The following CPM variants were observed in gnomAD, a reference collection of about 807,000 sequenced individuals.
CPM encodes renal carboxypeptidase.
A neutral mutation model predicts 46.4 loss-of-function variants in CPM; 35 were observed. That is an observed-to-expected ratio of 0.75 (90% CI 0.58 to 1.00). CPM has a LOEUF of 1.00. Ranked by LOEUF, CPM falls within the 50% of genes least tolerant of loss-of-function variation. CPM has a pLI of 0.00. For synonymous variants in CPM, 195 were observed against 195.3 expected (o/e 1.00, Z 0.01); for missense variants, 422 against 530.4 (o/e 0.80, Z 2.01).
intron 2 of CPM, among the ~76,000 whole-genome samples, chr12:68,923,160 A>AGTGTGTGTGT (rs869087872): frequency 2.2e-5 from 1 of 45,670 alleles, no homozygotes; most frequent in East Asian, 5.2e-4. Flanking sequence ...TTTGATATAG[A>AGTGTGTGTGT]GTGTGTGTGT....
At chr12:68,869,228 C>T in intron 6 of CPM, 97 bp downstream of exon 6, 1 of 1,100,012 alleles carries the variant, frequency 9.1e-7, no homozygotes, top group Middle Eastern at 2.0e-4. Context: ...GCCTATTGTG[C>T]CTAAAGTTCT....
rs1884013698 is a variant in CPM at position 68,843,725 on chromosome 12, C to T, written c.534-1396G>A. On this transcript the variant is annotated intron_variant, in intron 5 of 5. Coordinates refer to the CPM transcript ENST00000551897. Reference sequence around the variant, plus strand: ...TCTCTCTCTCTCTCTCTGTCTGTCTCAATAAATGGCCAAAGGGATTAGTAG... The same window carrying T: ...TCTCTCTCTCTCTCTCTGTCTGTCTTAATAAATGGCCAAAGGGATTAGTAG... 1.3e-5 allele frequency: 3 copies of T among 223,698 alleles called. No homozygotes were observed. In the East Asian group the frequency reaches 1.9e-4, roughly 14 times the overall value. The allele number at this position is 223,698 out of a possible 1,614,324, so 13.9% of individuals were successfully genotyped here.
In CPM at chr12:68,854,539, AGCCAAGGCTTCCTAGTGG is replaced by A. The variant is rs1181456954; in HGVS notation, c.*1880_*1897del. 1.3e-5 allele frequency: 2 copies of A among 152,248 alleles called. No homozygotes were observed. Among genetic ancestry groups the A allele is most frequent in the Non-Finnish European group, 2.9e-5 (2 of 68,052 alleles). The allele number at this position is 152,248 out of a possible 1,614,324, so 9.4% of individuals were successfully genotyped here. On this transcript the variant is annotated 3_prime_UTR_variant, in exon 9 of 9. Coordinates refer to ENST00000551568, the MANE Select transcript of CPM (RefSeq NM_198320.5). The stretch of plus-strand genomic sequence containing the variant: ...AATGGAATTGAATGGGATTATGGTC[AGCCAAGGCTTCCTAGTGG>A]AGCTGCTACCTGAACTGAGTTTTAA...
chr12:68,913,386 T>C (rs1316083389), intron 2 of CPM, among the ~76,000 whole-genome samples: 2 of 152,112 alleles, frequency 1.3e-5, no homozygotes, highest in Non-Finnish European at 2.9e-5. Flanking sequence ...GCCCAGAGCA[T>C]AGTAAGGATG....
At chr12:68,873,990 G>C (rs997127512) in intron 3 of CPM, among the ~76,000 whole-genome samples, 11 of 151,994 alleles carry the variant, frequency 7.2e-5, no homozygotes, top group Non-Finnish European at 8.8e-5. Context: ...ATTTTTAGTA[G>C]AGACAGGGTT....
intron 1 of CPM, among the ~76,000 whole-genome samples, chr12:68,938,481 A>T (rs762562343): frequency 3.3e-5 from 5 of 152,082 alleles, no homozygotes; most frequent in Non-Finnish European, 5.9e-5. Flanking sequence ...AATGTGGCAC[A>T]TTTGTTTCTG....
intron 1 of CPM, among the ~76,000 whole-genome samples, chr12:68,945,846 C>CTTTTTTTTTTTTTTTTT (rs1170064808): frequency 2.9e-4 from 26 of 88,460 alleles, no homozygotes; most frequent in East Asian, 3.6e-4. Context: ...TTCTTTCTTT[C>CTTTTTTTTTTTTTTTTT]TTTTTTTTTT....
intron 7 of CPM, among the ~76,000 whole-genome samples, chr12:68,859,443 A>C (rs561289790): frequency 3.3e-4 from 50 of 152,328 alleles, no homozygotes; most frequent in African/African-American, 1.2e-3. Flanking sequence ...AAACGGTGTC[A>C]ATGTATTAGT....
intron 2 of CPM, among the ~76,000 whole-genome samples, chr12:68,927,441 T>C (rs182857752): frequency 6.6e-6 from 1 of 152,124 alleles, no homozygotes; most frequent in Non-Finnish European, 1.5e-5. Context: ...TTTGTTTGAG[T>C]TCATTGTAGA....
rs142631506 is a variant in CPM at position 68,859,539 on chromosome 12, G to C, written c.941-468C>G. ...TGGGAAGCAAAATTATAATCACAAG[G>C]CTTCTTGGAAGCATGGAATCGATTG... On this transcript the variant is annotated intron_variant, in intron 7 of 8. Transcript: ENST00000551568. 5.9e-4 allele frequency among the ~76,000 whole-genome samples: 90 copies of C among 152,284 alleles called. 2 individuals carry two copies. The highest frequency in any genetic ancestry group is 4.4e-4 in the Non-Finnish European group (30 of 68,018).
At chr12:68,951,980 G>A (rs1029748986) in intron 1 of CPM, among the ~76,000 whole-genome samples, 5 of 152,174 alleles carry the variant, frequency 3.3e-5, no homozygotes, top group Non-Finnish European at 4.4e-5. Flanking sequence ...GCTGCAATCC[G>A]TGTGTGGGTT....
At chr12:68,956,642 A>C (rs1017153836) in intron 1 of CPM, among the ~76,000 whole-genome samples, 1 of 152,098 alleles carries the variant, frequency 6.6e-6, no homozygotes, top group Non-Finnish European at 1.5e-5. Context: ...CCATTTGCCC[A>C]GTAAAAAACA....
chr12:68,875,244 G>A (rs1019410038), intron 3 of CPM, among the ~76,000 whole-genome samples: 4 of 151,840 alleles, frequency 2.6e-5, no homozygotes, highest in Admixed American at 1.3e-4. Context: ...CCAGCTACTC[G>A]GGAGGCTGAG....
rs543642222 is a variant in CPM, at chr12:68,883,956, A to G, written c.258+1836T>C. 6.8e-3 allele frequency among the ~76,000 whole-genome samples: 1,036 copies of G among 151,456 alleles called. 11 individuals are homozygous for G. Among genetic ancestry groups the G allele is most frequent in the Non-Finnish European group, 8.9e-3 (603 of 67,852 alleles). On this transcript the variant is annotated intron_variant, in intron 3 of 8. Transcript: ENST00000551568. ...ACTAAAAAAAAAAAAAAATACAAAA[A>G]AAAATTAGCTGGGCATAGTGGTGCA...
At chr12:68,918,860 C>A (rs1329304826) in intron 2 of CPM, among the ~76,000 whole-genome samples, 2 of 152,202 alleles carry the variant, frequency 1.3e-5, no homozygotes, top group Non-Finnish European at 2.9e-5. Context: ...AAACCCACAT[C>A]AGATTGCATC....
chr12:68,948,676 T>C (rs899142141), intron 1 of CPM, among the ~76,000 whole-genome samples: 1 of 152,156 alleles, frequency 6.6e-6, no homozygotes, highest in Non-Finnish European at 1.5e-5. Flanking sequence ...GGAAATAGTC[T>C]CAATGATTAG....
chr12:68,928,332 A>C (rs1888356632), intron 2 of CPM, among the ~76,000 whole-genome samples: 1 of 152,248 alleles, frequency 6.6e-6, no homozygotes. Flanking sequence ...AGAAAGCTGA[A>C]ACTGGATCCC....
chr12:68,955,267 G>A (rs145044619), intron 1 of CPM, among the ~76,000 whole-genome samples: 77 of 152,334 alleles, frequency 5.1e-4, no homozygotes, highest in Non-Finnish European at 8.2e-4. Context: ...CTTAGTGATT[G>A]TGGATATAAT....
At chr12:68,905,655 G>T (rs2136284246) in intron 2 of CPM, among the ~76,000 whole-genome samples, 1 of 152,184 alleles carries the variant, frequency 6.6e-6, no homozygotes, top group South Asian at 2.1e-4. Flanking sequence ...ATGGATACAT[G>T]TAAGATATAG....
Sources: allele counts gnomAD v4.1 joint callset (sites outside exome capture counted in the v4.1 genomes callset), GRCh38; gene constraint gnomAD v4.1.1; transcripts MANE v1.5; gene names NCBI Gene and HGNC (gene_info 2026-07-23, HGNC 2026-07-21).